Variants in MCOLN2 observed in about 807,000 individuals in gnomAD.
MCOLN2 encodes mucolipin TRP cation channel 2.
MCOLN2 carries 57 observed loss-of-function variants against 67.5 expected under a neutral mutation model. The ratio of observed to expected loss-of-function variants is 0.84; its 90% CI spans 0.68 to 1.05. MCOLN2 has a LOEUF of 1.05. MCOLN2 is among the 50% of genes least tolerant of loss of function. MCOLN2 has a pLI of 0.00. For missense variants in MCOLN2, 620 were observed against 678.8 expected (o/e 0.91, Z 0.96); for synonymous variants, 246 against 233.3 (o/e 1.05, Z -0.50).
rs776551203 is a variant in MCOLN2, at chr1:84,965,559, A to G, written c.227T>C (p.Val76Ala). Residue 76 changes from valine to alanine, a missense_variant, in exon 2 of 14, where the codon GTC (valine) becomes GCC (alanine). Coordinates refer to ENST00000370608, the MANE Select transcript of MCOLN2 (RefSeq NM_153259.4). ...LGLQILKIVM[V>A]TTQLVRFGLS... Reference sequence around the variant, plus strand: ...AATAAGATAGGTTACCTGTGTGGTGACCATGACTATCTTCAAAATCTGCAA... The same window carrying G: ...AATAAGATAGGTTACCTGTGTGGTGGCCATGACTATCTTCAAAATCTGCAA... 3.7e-6 allele frequency: 6 copies of G among 1,613,746 alleles called. No homozygotes were observed. The highest frequency in any genetic ancestry group is 1.7e-5 in the Admixed American group (1 of 59,940).
intron 1 of MCOLN2, among the ~76,000 whole-genome samples, chr1:84,969,682 TGACTC>T (rs1649565961): frequency 6.6e-6 from 1 of 151,440 alleles, no homozygotes; most frequent in Non-Finnish European, 1.5e-5. Flanking sequence ...ACTCACCTCT[TGACTC>T]AACTTGACCA....
At chr1:84,961,687 T>C (rs1286882152) in intron 2 of MCOLN2, among the ~76,000 whole-genome samples, 3 of 152,092 alleles carry the variant, frequency 2.0e-5, no homozygotes, top group South Asian at 2.1e-4. Flanking sequence ...TTTAAAGGCA[T>C]TGACAGCAAA....
At chr1:84,987,454 A>ATAGATATATT (rs1491167563) in intron 1 of MCOLN2, among the ~76,000 whole-genome samples, 6 of 126,226 alleles carry the variant, frequency 4.8e-5, no homozygotes, top group African/African-American at 1.7e-4. Context: ...ATACATATAT[A>ATAGATATATT]CATATATGTA....
At chr1:84,988,791 T>C (rs961574754) in intron 1 of MCOLN2, among the ~76,000 whole-genome samples, 1 of 152,134 alleles carries the variant, frequency 6.6e-6, no homozygotes, top group African/African-American at 2.4e-5. Flanking sequence ...CTACAACTGC[T>C]AAAAGACTCC....
intron 1 of MCOLN2, among the ~76,000 whole-genome samples, chr1:84,983,157 C>T (rs1242374402): frequency 1.3e-5 from 2 of 152,168 alleles, no homozygotes; most frequent in Non-Finnish European, 2.9e-5. Context: ...TCCCAGGTCT[C>T]CACACCAGCA....
intron 2 of MCOLN2, among the ~76,000 whole-genome samples, chr1:84,962,375 A>T (rs1033286040): frequency 1.3e-5 from 2 of 152,148 alleles, no homozygotes; most frequent in African/African-American, 4.8e-5. Context: ...GCAAGACCCC[A>T]TCTCTACAAA....
intron 8 of MCOLN2, among the ~76,000 whole-genome samples, chr1:84,940,375 T>C (rs1443671856): frequency 1.3e-5 from 2 of 152,186 alleles, no homozygotes; most frequent in African/African-American, 2.4e-5. Context: ...AGCGGAAGTA[T>C]ATATTCATAA....
chr1:84,952,658 G>C lies in MCOLN2; in HGVS notation c.566-128C>G, dbSNP rs562126. 14,348 of 643,528 alleles carry C rather than the reference G, an allele frequency of 0.022. 1,592 individuals are homozygous for C. The African/African-American group carries it at 0.24, about 11-fold the overall frequency. 39.9% of individuals were successfully genotyped at this position (643,528 alleles called of 1,614,324 possible). ...AAAGTATCTCCCTAGAAAATACTTA[G>C]CAATTATTCAGGAAAAATGATAGTA... On this transcript the variant is annotated intron_variant, in intron 4 of 13. Coordinates refer to ENST00000370608, the MANE Select transcript of MCOLN2 (RefSeq NM_153259.4).
intron 1 of MCOLN2, among the ~76,000 whole-genome samples, chr1:84,983,895 T>G (rs1405013568): frequency 4.6e-5 from 7 of 151,474 alleles, no homozygotes; most frequent in Admixed American, 1.3e-4. Flanking sequence ...CAAGCTGGTC[T>G]CGATCTCCTG....
intron 11 of MCOLN2, among the ~76,000 whole-genome samples, chr1:84,936,464 A>G (rs933706256): frequency 1.3e-5 from 2 of 152,172 alleles, no homozygotes; most frequent in African/African-American, 4.8e-5. Flanking sequence ...AGGAAGAAAA[A>G]TACATTTTTC....
In MCOLN2 at chr1:84,965,553, G is replaced by T. The variant is rs777719588; in HGVS notation, c.233C>A (p.Thr78Lys). 1 of 1,613,678 alleles carries T rather than the reference G, an allele frequency of 6.2e-7. No individual in the cohort carries two copies. Among genetic ancestry groups the T allele is most frequent in the East Asian group, 2.2e-5 (1 of 44,878 alleles). ...TGAAATAATAAGATAGGTTACCTGT[G>T]TGGTGACCATGACTATCTTCAAAAT... ...LQILKIVMVT[T>K]QLVRFGLSNQ... Residue 78 changes from threonine to lysine, a missense_variant, in exon 2 of 14, where the codon ACA becomes AAA. Physicochemically the swap from Thr to Lys is moderately conservative, Grantham distance 78 (BLOSUM62 -1). Coordinates refer to ENST00000370608, the MANE Select transcript of MCOLN2 (RefSeq NM_153259.4).
chr1:84,944,103 T>C (rs1285744913), intron 7 of MCOLN2, among the ~76,000 whole-genome samples: 2 of 152,172 alleles, frequency 1.3e-5, no homozygotes, highest in Non-Finnish European at 2.9e-5. Context: ...CAGTTTGCAT[T>C]GGACCTTGTT....
In MCOLN2 at chr1:84,931,395, A is replaced by G; in HGVS notation, c.1509T>C (p.Ile503=). Residue 503 remains isoleucine (I), a synonymous_variant, in exon 12 of 14, where the codon ATT becomes ATC. Transcript: ENST00000370608. ...TGTCATAAGAATCTGTAATAAGTGCAATAAAAAGACTGAGAATCATATATA... is the reference window on the plus strand; with the variant it reads ...TGTCATAAGAATCTGTAATAAGTGCGATAAAAAGACTGAGAATCATATATA... ...LFIYMILSLF[I]ALITDSYDTI... 1.3e-6 allele frequency: 2 copies of G among 1,594,588 alleles called. No individual in the cohort carries two copies. Among genetic ancestry groups the G allele is most frequent in the Non-Finnish European group, 1.7e-6 (2 of 1,162,536 alleles).
At chr1:84,947,003 T>C (rs770921844) in intron 7 of MCOLN2, 30 bp downstream of exon 7, 19 of 1,014,988 alleles carry the variant, frequency 1.9e-5, no homozygotes, top group Non-Finnish European at 2.9e-5. Context: ...TCATCTATAA[T>C]TCCCATGGGC....
At chr1:84,969,719 C>T (rs940545485) in intron 1 of MCOLN2, among the ~76,000 whole-genome samples, 4 of 152,296 alleles carry the variant, frequency 2.6e-5, no homozygotes, top group South Asian at 2.1e-4. Context: ...ACTTAGTCCG[C>T]GGAGCAAGCA....
intron 1 of MCOLN2, among the ~76,000 whole-genome samples, chr1:84,980,828 G>T (rs952859249): frequency 6.6e-6 from 1 of 152,120 alleles, no homozygotes; most frequent in South Asian, 2.1e-4. Flanking sequence ...AAGTTTAAAA[G>T]CTTCTGCACA....
At chr1:84,956,204 C>T (rs967867825) in intron 4 of MCOLN2, among the ~76,000 whole-genome samples, 1 of 152,024 alleles carries the variant, frequency 6.6e-6, no homozygotes, top group Non-Finnish European at 1.5e-5. Context: ...AACCAACAAT[C>T]TTGAGTTGCT....
chr1:84,952,580 G>T, intron 4 of MCOLN2, 50 bp from the exon 5 acceptor site: 3 of 1,181,700 alleles, frequency 2.5e-6, no homozygotes, highest in Non-Finnish European at 3.8e-6. Flanking sequence ...AGAATTAGGT[G>T]CTAAAACTAA....
chr1:84,947,188 G>A (rs1648160228), intron 6 of MCOLN2, 56 bp from the exon 7 acceptor site: 1 of 885,488 alleles, frequency 1.1e-6, no homozygotes, highest in Non-Finnish European at 1.9e-6. Flanking sequence ...TAACATGTTA[G>A]ATCAAATCTG....
Sources: gnomAD v4.1 joint callset for allele counts (sites outside exome capture counted in the v4.1 genomes callset) on GRCh38, gnomAD v4.1.1 for gene constraint, MANE v1.5 for transcripts, NCBI Gene and HGNC (gene_info 2026-07-23, HGNC 2026-07-21) for gene names.